The following FYN variants were observed in gnomAD, a reference collection of about 807,000 sequenced individuals.
FYN encodes the protein tyrosine-protein kinase Fyn.
In FYN, 10 loss-of-function variants were observed where a neutral mutation model predicts 70.2. The ratio of observed to expected loss-of-function variants is 0.14; its 90% CI spans 0.09 to 0.24. The LOEUF (loss-of-function observed/expected upper bound fraction) is 0.24, where lower values mean the gene tolerates loss of function less well. Among genes scored for constraint, FYN ranks in the 10% least tolerant of loss-of-function variants. The pLI, the probability that FYN is intolerant of heterozygous loss-of-function variation, is 1.00. For synonymous variants in FYN, 236 were observed against 248.6 expected (o/e 0.95, Z 0.48); for missense variants, 319 against 673.1 (o/e 0.47, Z 5.82).
chr6:111,677,427 C>T (rs1034399115), intron 12 of FYN, among the ~76,000 whole-genome samples: 1 of 152,212 alleles, frequency 6.6e-6, no homozygotes, highest in South Asian at 2.1e-4. Flanking sequence ...TGGCTTCCCA[C>T]CTCCTGAGGG....
intron 1 of FYN, among the ~76,000 whole-genome samples, chr6:111,854,610 T>C (rs1333915951): frequency 1.3e-5 from 2 of 152,250 alleles, no homozygotes; most frequent in Non-Finnish European, 2.9e-5. Context: ...TAAAGAATTG[T>C]CTGAATGCTC....
chr6:111,771,262 C>CA (rs1270427525), intron 3 of FYN, among the ~76,000 whole-genome samples: 1 of 152,000 alleles, frequency 6.6e-6, no homozygotes, highest in Non-Finnish European at 1.5e-5. Context: ...ACACAAAGAA[C>CA]AAAGAGTGCA....
chr6:111,753,969 G>C (rs1237922722), intron 3 of FYN, among the ~76,000 whole-genome samples: 1 of 152,176 alleles, frequency 6.6e-6, no homozygotes, highest in Non-Finnish European at 1.5e-5. Flanking sequence ...TAGCCAGACT[G>C]AGCTAGGGAG....
intron 1 of FYN, among the ~76,000 whole-genome samples, chr6:111,854,194 C>A (rs1457898476): frequency 6.6e-6 from 1 of 152,152 alleles, no homozygotes; most frequent in East Asian, 1.9e-4. Flanking sequence ...CCTTGTCTAC[C>A]GGTGTGTGAG....
chr6:111,800,204 G>A (rs1044741580), intron 2 of FYN, among the ~76,000 whole-genome samples: 1 of 152,138 alleles, frequency 6.6e-6, no homozygotes, highest in African/African-American at 2.4e-5. Flanking sequence ...ACACATCAAT[G>A]AGAGAATAAA....
intron 2 of FYN, among the ~76,000 whole-genome samples, chr6:111,812,733 G>C (rs1418604199): frequency 6.7e-6 from 1 of 149,868 alleles, no homozygotes; most frequent in Admixed American, 6.7e-5. Flanking sequence ...CCTACCACCA[G>C]TGTTAATCTT....
At chr6:111,768,994 G>A (rs1583425593) in intron 3 of FYN, among the ~76,000 whole-genome samples, 1 of 152,276 alleles carries the variant, frequency 6.6e-6, no homozygotes, top group South Asian at 2.1e-4. Context: ...GGAAATGGTG[G>A]GGAAAGAGAA....
At chr6:111,862,942 G>A (rs554316055) in intron 1 of FYN, among the ~76,000 whole-genome samples, 60 of 152,314 alleles carry the variant, frequency 3.9e-4, no homozygotes, top group African/African-American at 1.4e-3. Flanking sequence ...GCCAATTAAC[G>A]AGATGGTAAT....
chr6:111,774,177 T>C (rs954104904), intron 3 of FYN, among the ~76,000 whole-genome samples: 14 of 152,208 alleles, frequency 9.2e-5, no homozygotes, highest in Non-Finnish European at 1.6e-4. Flanking sequence ...AGAGAGCCTG[T>C]TTCCATATGG....
intron 12 of FYN, among the ~76,000 whole-genome samples, chr6:111,682,047 GAC>G (rs765436031): frequency 1.8e-4 from 28 of 152,296 alleles, no homozygotes; most frequent in Non-Finnish European, 3.7e-4. Flanking sequence ...TGAGGTTGGA[GAC>G]ACATATTTCT....
At chr6:111,841,210 A>G (rs1179143254) in intron 2 of FYN, among the ~76,000 whole-genome samples, 1 of 152,230 alleles carries the variant, frequency 6.6e-6, no homozygotes, top group Non-Finnish European at 1.5e-5. Context: ...ACGCTTTCAC[A>G]GGGCGACCAC....
rs1368165329 is a variant in FYN at position 111,662,034 on chromosome 6, C to T, written c.1406-87G>A. 7 of 1,138,714 alleles carry T rather than the reference C, an allele frequency of 6.1e-6. No homozygotes were observed. In the East Asian group the frequency reaches 1.4e-4, roughly 23 times the overall value. 70.5% of individuals were successfully genotyped at this position (1,138,714 alleles called of 1,614,324 possible). ...TGCAGATCCCCTTTCTTCTTCTTTG[C>T]GTCTGCATGTGGCTAAAACATGCGG... On this transcript the variant is annotated intron_variant, in intron 13 of 13. Coordinates refer to ENST00000354650, the MANE Select transcript of FYN (RefSeq NM_002037.5).
chr6:111,756,416 T>TA (rs150235080), intron 3 of FYN, among the ~76,000 whole-genome samples: 12,215 of 139,722 alleles, frequency 0.087, 1,287 homozygotes, highest in African/African-American at 0.26. Flanking sequence ...GAAAAAAAAG[T>TA]AAAAAAAAAA....
intron 2 of FYN, among the ~76,000 whole-genome samples, chr6:111,831,142 C>A (rs2114412592): frequency 6.6e-6 from 1 of 152,166 alleles, no homozygotes; most frequent in South Asian, 2.1e-4. Flanking sequence ...AAAAGGCCCC[C>A]AAATAGTGAT....
Position 111,697,810 on chromosome 6 carries a change from A to G in FYN, c.863-1354T>C, listed in dbSNP as rs140325854. Among the ~76,000 whole-genome samples the G allele has an allele frequency of 3.2e-3, 486 of 152,362 alleles. 1 individual carries two copies. The highest frequency in any genetic ancestry group is 4.8e-3 in the Non-Finnish European group (327 of 68,044). ...GTGAACAGTATATGTAATGATTTAA[A>G]GTTGATATTTGTAAAATTTGAAAAT... On this transcript the variant is annotated intron_variant, in intron 9 of 13. Coordinates refer to ENST00000354650, the MANE Select transcript of FYN (RefSeq NM_002037.5).
intron 2 of FYN, among the ~76,000 whole-genome samples, chr6:111,835,406 C>A (rs1773149129): frequency 6.6e-6 from 1 of 152,218 alleles, no homozygotes; most frequent in Non-Finnish European, 1.5e-5. Context: ...AGGAATAATG[C>A]TCAAAATCCT....
intron 2 of FYN, among the ~76,000 whole-genome samples, chr6:111,805,078 C>G (rs960944221): frequency 6.6e-6 from 1 of 152,084 alleles, no homozygotes; most frequent in African/African-American, 2.4e-5. Context: ...TCTGCTACCC[C>G]GAGATAAACA....
chr6:111,762,815 C>A (rs936453718), intron 3 of FYN, among the ~76,000 whole-genome samples: 11 of 151,834 alleles, frequency 7.2e-5, no homozygotes, highest in Admixed American at 2.6e-4. Flanking sequence ...AAAGTCCTTG[C>A]ATAATTTTTG....
chr6:111,770,936 G>A (rs1803427587), intron 3 of FYN, among the ~76,000 whole-genome samples: 1 of 152,078 alleles, frequency 6.6e-6, no homozygotes, highest in South Asian at 2.1e-4. Context: ...AGATTTGGTG[G>A]GAACAAACCA....
Sources: gnomAD v4.1 joint callset for allele counts (sites outside exome capture counted in the v4.1 genomes callset) on GRCh38, gnomAD v4.1.1 for gene constraint, MANE v1.5 for transcripts, NCBI Gene and HGNC (gene_info 2026-07-23, HGNC 2026-07-21) for gene names.